The following SGIP1 variants were observed in gnomAD, a reference collection of about 807,000 sequenced individuals.
SGIP1 encodes the protein SH3-containing GRB2-like protein 3-interacting protein 1.
A neutral mutation model predicts 107.5 loss-of-function variants in SGIP1; 38 were observed. The observed-to-expected ratio is 0.35, with a 90% CI of 0.27 to 0.46. SGIP1 has a LOEUF of 0.46. Ranked by LOEUF, SGIP1 falls within the 20% of genes least tolerant of loss-of-function variation. The pLI, the probability that SGIP1 is intolerant of heterozygous loss-of-function variation, is 1.00. For synonymous variants in SGIP1, 365 were observed against 366.1 expected (o/e 1.00, Z 0.03); for missense variants, 929 against 1,019.5 (o/e 0.91, Z 1.21).
chr1:66,536,952 A>T (rs564943353), intron 1 of SGIP1, among the ~76,000 whole-genome samples: 44 of 152,314 alleles, frequency 2.9e-4, no homozygotes, highest in African/African-American at 1.0e-3. Context: ...GAGTAAACAA[A>T]TATTCAGCAG....
At chr1:66,631,053 A>AAG (rs1201462434) in intron 2 of SGIP1, among the ~76,000 whole-genome samples, 13 of 73,570 alleles carry the variant, frequency 1.8e-4, no homozygotes, top group African/African-American at 5.6e-4. Flanking sequence ...GGAAGAAAGA[A>AAG]AGAAAGAAAG....
At chr1:66,557,888 C>A (rs1266524790) in intron 1 of SGIP1, among the ~76,000 whole-genome samples, 2 of 152,084 alleles carry the variant, frequency 1.3e-5, no homozygotes, top group African/African-American at 4.8e-5. Flanking sequence ...GTTTTAAATA[C>A]TTAATACTTT....
intron 8 of SGIP1, among the ~76,000 whole-genome samples, chr1:66,664,923 G>A (rs1053123392): frequency 6.6e-5 from 10 of 152,156 alleles, no homozygotes; most frequent in African/African-American, 2.2e-4. Context: ...GATTTGAAAA[G>A]CAAAAGAAAG....
intron 2 of SGIP1, chr1:66,626,133 CTTTCTTT>C: frequency 6.4e-6 from 1 of 155,482 alleles, no homozygotes; most frequent in Non-Finnish European, 1.2e-5. Context: ...ATTTTTCTTT[CTTTCTTT>C]TTTTTTTTTT....
intron 9 of SGIP1, among the ~76,000 whole-genome samples, chr1:66,669,051 C>A (rs2083206112): frequency 6.6e-6 from 1 of 152,170 alleles, no homozygotes; most frequent in African/African-American, 2.4e-5. Context: ...TCTGTTGCTG[C>A]TGAGTTGCTG....
chr1:66,562,154 C>T (rs12565798), intron 1 of SGIP1, among the ~76,000 whole-genome samples: 21,876 of 151,814 alleles, frequency 0.14, 1,990 homozygotes, highest in East Asian at 0.32. Context: ...CTCCTATGTG[C>T]TAAGTACCCA....
intron 13 of SGIP1, among the ~76,000 whole-genome samples, chr1:66,679,066 G>T (rs1004760121): frequency 2.6e-5 from 4 of 152,174 alleles, no homozygotes; most frequent in African/African-American, 9.7e-5. Flanking sequence ...ACTTGATTTG[G>T]CTGTAATTTT....
At chr1:66,731,427 G>T (rs1249866959) in intron 20 of SGIP1, among the ~76,000 whole-genome samples, 1 of 151,948 alleles carries the variant, frequency 6.6e-6, no homozygotes, top group East Asian at 1.9e-4. Flanking sequence ...TGCAAAAGTT[G>T]TATACATATA....
chr1:66,546,711 T>A (rs1351112737), intron 1 of SGIP1, among the ~76,000 whole-genome samples: 1 of 152,206 alleles, frequency 6.6e-6, no homozygotes, highest in African/African-American at 2.4e-5. Context: ...CCCCAGGCAG[T>A]TGAGTGACTT....
chr1:66,629,979 A>C (rs900363690), intron 2 of SGIP1, among the ~76,000 whole-genome samples: 1 of 152,212 alleles, frequency 6.6e-6, no homozygotes, highest in Non-Finnish European at 1.5e-5. Flanking sequence ...AGAAACTGAG[A>C]AACAAAGGGG....
chr1:66,667,468 G>A (rs1285537455), intron 8 of SGIP1, 62 bp from the exon 9 acceptor site: 2 of 1,517,966 alleles, frequency 1.3e-6, no homozygotes, highest in Non-Finnish European at 9.1e-7. Context: ...ACCCAAGACT[G>A]TTGACTGATC....
intron 18 of SGIP1, among the ~76,000 whole-genome samples, chr1:66,707,226 A>T (rs1184275059): frequency 1.3e-5 from 2 of 151,144 alleles, no homozygotes; most frequent in Admixed American, 6.6e-5. Flanking sequence ...GTAGAAAAGC[A>T]TTTTTTTTTC....
At chr1:66,542,828 T>C (rs996403853) in intron 1 of SGIP1, among the ~76,000 whole-genome samples, 1 of 152,170 alleles carries the variant, frequency 6.6e-6, no homozygotes, top group Non-Finnish European at 1.5e-5. Context: ...TAAGGTTAAG[T>C]GACACTCAAG....
chr1:66,747,358 T>TCCA lies in SGIP1; in HGVS notation c.*4265_*4267dup, dbSNP rs1277978306. ...TCTAGTCAGTTTATTTTTCATTCAG[T>TCCA]CCACTTAATTTCCTCCAATCTTAAA... On this transcript the variant is annotated 3_prime_UTR_variant, in exon 25 of 25. Transcript: ENST00000371037. 4 of 152,142 alleles carry TCCA rather than the reference T, an allele frequency of 2.6e-5. No homozygotes were observed. The highest frequency in any genetic ancestry group is 5.9e-5 in the Non-Finnish European group (4 of 67,896). The allele number at this position is 152,142 out of a possible 1,614,324, so 9.4% of individuals were successfully genotyped here.
chr1:66,730,351 C>T (rs374687925), intron 20 of SGIP1, among the ~76,000 whole-genome samples: 1 of 152,168 alleles, frequency 6.6e-6, no homozygotes, highest in African/African-American at 2.4e-5. Context: ...CACAAACCCA[C>T]ATGCATGCAT....
chr1:66,597,718 T>C (rs2064997612), intron 1 of SGIP1, among the ~76,000 whole-genome samples: 1 of 152,126 alleles, frequency 6.6e-6, no homozygotes, highest in Admixed American at 6.5e-5. Flanking sequence ...AGCATTTAGG[T>C]ACTAATTCTC....
intron 1 of SGIP1, among the ~76,000 whole-genome samples, chr1:66,572,293 T>C (rs2148618911): frequency 6.6e-6 from 1 of 152,152 alleles, no homozygotes; most frequent in Admixed American, 6.6e-5. Context: ...GTGACAGAAA[T>C]ATGCTAATAT....
chr1:66,741,831 G>A lies in SGIP1; in HGVS notation c.2464+395G>A, dbSNP rs193203776. 2.0e-4 allele frequency among the ~76,000 whole-genome samples: 31 copies of A among 151,510 alleles called. 1 individual carries two copies. The East Asian group carries it at 3.3e-3, about 16-fold the overall frequency. ...TGCCCAGGCTGGACTGCAGTGGCGC[G>A]ATCTCTACTCACTGCAAGCTCTGCC... On this transcript the variant is annotated intron_variant, in intron 24 of 24. Coordinates refer to ENST00000371037, the MANE Select transcript of SGIP1 (RefSeq NM_032291.4).
chr1:66,593,091 A>C (rs902993029), intron 1 of SGIP1, among the ~76,000 whole-genome samples: 1 of 151,456 alleles, frequency 6.6e-6, no homozygotes, highest in African/African-American at 2.4e-5. Flanking sequence ...ATATGCATTT[A>C]AGCTTATTCC....
Sources: gnomAD v4.1 joint callset for allele counts (sites outside exome capture counted in the v4.1 genomes callset) on GRCh38, gnomAD v4.1.1 for gene constraint, MANE v1.5 for transcripts, NCBI Gene and HGNC (gene_info 2026-07-23, HGNC 2026-07-21) for gene names.